The following UST variants were observed in gnomAD, a reference collection of about 807,000 sequenced individuals.
The protein encoded by UST is chondroitin sulfate 2-O-sulfotransferase.
A neutral mutation model predicts 45.6 loss-of-function variants in UST; 21 were observed. That is an observed-to-expected ratio of 0.46 (90% CI 0.33 to 0.66). UST has a LOEUF of 0.66. Among genes scored for constraint, UST ranks in the 30% least tolerant of loss-of-function variants. The pLI is 0.02. For synonymous variants in UST, 215 were observed against 200.6 expected, an observed-to-expected ratio of 1.07 and a Z score of -0.61; for missense variants, 463 against 512.4, an observed-to-expected ratio of 0.90 and a Z score of 0.93.
chr6:149,065,252 C>T (rs1776714978), intron 7 of UST, among the ~76,000 whole-genome samples: 1 of 152,176 alleles, frequency 6.6e-6, no homozygotes, highest in African/African-American at 2.4e-5. Flanking sequence ...ATCCTAACAA[C>T]TTCCTCTAGA....
chr6:148,795,911 A>T (rs573567863), intron 1 of UST, among the ~76,000 whole-genome samples: 3 of 152,238 alleles, frequency 2.0e-5, no homozygotes, highest in Non-Finnish European at 4.4e-5. Context: ...TTATAAGCAG[A>T]ACAAAAGGTT....
chr6:149,071,972 A>C (rs1181017975), intron 7 of UST, among the ~76,000 whole-genome samples: 11 of 152,216 alleles, frequency 7.2e-5, no homozygotes, highest in Non-Finnish European at 8.8e-5. Flanking sequence ...CATTAGGGAA[A>C]TGCAAATCAA....
At chr6:148,845,138 C>T (rs1047202913) in intron 1 of UST, among the ~76,000 whole-genome samples, 10 of 152,094 alleles carry the variant, frequency 6.6e-5, no homozygotes, top group Admixed American at 5.9e-4. Context: ...TGTATTCCTT[C>T]GGGTATGTAC....
At chr6:148,836,097 GT>G (rs1777781886) in intron 1 of UST, among the ~76,000 whole-genome samples, 1 of 152,124 alleles carries the variant, frequency 6.6e-6, no homozygotes, top group Non-Finnish European at 1.5e-5. Context: ...AGTTCATCGT[GT>G]TTTGCGGAAG....
chr6:148,955,785 C>G (rs1434068736), intron 4 of UST: 1 of 152,278 alleles, frequency 6.6e-6, no homozygotes, highest in Admixed American at 6.5e-5. Context: ...ATGAACACTT[C>G]TTGCTTCATA....
intron 1 of UST, among the ~76,000 whole-genome samples, chr6:148,811,762 G>C (rs969640125): frequency 1.3e-5 from 2 of 152,202 alleles, no homozygotes; most frequent in African/African-American, 4.8e-5. Context: ...GGCAGAAGCT[G>C]TAGGACTCGT....
chr6:148,821,474 A>G (rs1777464865), intron 1 of UST, among the ~76,000 whole-genome samples: 2 of 152,208 alleles, frequency 1.3e-5, no homozygotes. Context: ...TGGTGGTATT[A>G]ACTTTTATCA....
At position 148,747,329 on chromosome 6, in the gene UST, G is replaced by T; in HGVS notation, c.-102G>T. 1 of 1,297,888 alleles carries T rather than the reference G, an allele frequency of 7.7e-7. No homozygotes were observed. Among genetic ancestry groups the T allele is most frequent in the South Asian group, 2.3e-5 (1 of 44,278 alleles). 80.4% of individuals were successfully genotyped at this position (1,297,888 alleles called of 1,614,324 possible). ...GCCCCCACCCGGCTGCCCTCCGCGC[G>T]GCCCTCCCCATGTGCAGCCGGCCAG... On this transcript the variant is annotated 5_prime_UTR_variant, in exon 1 of 8. Transcript: ENST00000367463.
chr6:148,913,871 C>CTA (rs1392516923), intron 2 of UST, among the ~76,000 whole-genome samples: 2 of 152,162 alleles, frequency 1.3e-5, no homozygotes, highest in Non-Finnish European at 2.9e-5. Flanking sequence ...TTACAAAGCC[C>CTA]TATATACATT....
intron 1 of UST, among the ~76,000 whole-genome samples, chr6:148,813,827 A>C (rs886827733): frequency 6.6e-6 from 1 of 152,212 alleles, no homozygotes; most frequent in African/African-American, 2.4e-5. Context: ...TGAAAGGGCC[A>C]TTCTATATCA....
chr6:148,951,230 C>T (rs1248173851), intron 3 of UST, among the ~76,000 whole-genome samples: 3 of 152,136 alleles, frequency 2.0e-5, no homozygotes, highest in African/African-American at 4.8e-5. Context: ...CGGGAAAGAG[C>T]TGGATCAAAG....
intron 1 of UST, among the ~76,000 whole-genome samples, chr6:148,805,717 A>T (rs1010209438): frequency 6.6e-5 from 10 of 152,206 alleles, no homozygotes; most frequent in South Asian, 2.1e-4. Flanking sequence ...TAAACTTTTC[A>T]TAGTCCTTCA....
At chr6:148,970,080 C>G (rs1007603855) in intron 5 of UST, among the ~76,000 whole-genome samples, 1 of 152,282 alleles carries the variant, frequency 6.6e-6, no homozygotes, top group South Asian at 2.1e-4. Flanking sequence ...AGATACGCTG[C>G]GAAATACATT....
intron 7 of UST, among the ~76,000 whole-genome samples, chr6:149,040,785 G>A (rs936167812): frequency 1.2e-4 from 18 of 152,136 alleles, no homozygotes; most frequent in Admixed American, 7.9e-4. Context: ...TGAACTCCAC[G>A]GCGTGGCTTT....
Position 148,747,697 on chromosome 6 carries a change from G to T in UST, c.247+20G>T, listed in dbSNP as rs775843239. On this transcript the variant is annotated intron_variant, in intron 1 of 7. Coordinates refer to ENST00000367463, the MANE Select transcript of UST (RefSeq NM_005715.3). ...ACTTGGGTAAGGAAGCTGGGCAGGC[G>T]CTAGGGCGGCGCCGACAGCGCAAAG... 1.4e-5 allele frequency: 22 copies of T among 1,570,802 alleles called. No individual in the cohort carries two copies. The highest frequency in any genetic ancestry group is 1.9e-5 in the Non-Finnish European group (22 of 1,160,614).
Position 149,027,072 on chromosome 6 carries a change from CT to C in UST, c.937+5602del, listed in dbSNP as rs1213587496. ...ACAGAGTACACATTTAAATATTATG[CT>C]TTTTTTTTTTACTATGCATGAATGA... On this transcript the variant is annotated intron_variant, in intron 7 of 7. Coordinates refer to ENST00000367463, the MANE Select transcript of UST (RefSeq NM_005715.3). Among the ~76,000 whole-genome samples, 652 of 145,138 alleles carry C rather than the reference CT, an allele frequency of 4.5e-3. 3 individuals carry two copies. The highest frequency in any genetic ancestry group is 0.013 in the African/African-American group (518 of 39,794).
rs77355849 is a variant in UST, at chr6:149,049,985, C to T, written c.938-23848C>T. Among the ~76,000 whole-genome samples, 1,460 of 149,274 alleles carry T rather than the reference C, an allele frequency of 9.8e-3. 11 individuals are homozygous for T. Among genetic ancestry groups the T allele is most frequent in the Middle Eastern group, 0.024 (7 of 290 alleles). Reference sequence around the variant, plus strand: ...CACACACGTGGCCCTTTCTTGTATACAGAAGCTATAAAATGTGTGTAGATT... The same window carrying T: ...CACACACGTGGCCCTTTCTTGTATATAGAAGCTATAAAATGTGTGTAGATT... On this transcript the variant is annotated intron_variant, in intron 7 of 7. Coordinates refer to ENST00000367463, the MANE Select transcript of UST (RefSeq NM_005715.3).
chr6:148,810,230 T>G (rs1014618029), intron 1 of UST, among the ~76,000 whole-genome samples: 14 of 152,174 alleles, frequency 9.2e-5, no homozygotes, highest in African/African-American at 3.4e-4. Context: ...AGTAGCCATA[T>G]ATTTTTAGCC....
intron 1 of UST, among the ~76,000 whole-genome samples, chr6:148,838,755 T>G (rs1562273223): frequency 6.6e-6 from 1 of 152,086 alleles, no homozygotes; most frequent in African/African-American, 2.4e-5. Flanking sequence ...ATTTTTTTTT[T>G]TAATGATCAC....
Sources: allele counts gnomAD v4.1 joint callset (sites outside exome capture counted in the v4.1 genomes callset), GRCh38; gene constraint gnomAD v4.1.1; transcripts MANE v1.5; gene names NCBI Gene and HGNC (gene_info 2026-07-23, HGNC 2026-07-21).